Variants in FANCB observed in about 807,000 individuals in gnomAD.
FANCB encodes Fanconi anemia group B protein.
A neutral mutation model predicts 38.9 loss-of-function variants in FANCB; 5 were observed. The observed-to-expected ratio is 0.13, with a 90% CI of 0.07 to 0.27. The LOEUF (loss-of-function observed/expected upper bound fraction) is 0.27, where lower values mean the gene tolerates loss of function less well. Among genes scored for constraint, FANCB ranks in the 10% least tolerant of loss-of-function variants. The pLI is 1.00. For missense variants in FANCB, 573 were observed against 602.7 expected, an observed-to-expected ratio of 0.95 and a Z score of 0.52; for synonymous variants, 236 against 215.4, an observed-to-expected ratio of 1.10 and a Z score of -0.84.
chrX:14,834,154 T>C (rs2092334892), downstream of FANCB, among the ~76,000 whole-genome samples: 1 of 112,113 alleles, frequency 8.9e-6, no homozygotes, highest in Admixed American at 9.4e-5. Flanking sequence ...GGGTGATTTT[T>C]TTTTTAATTA....
At chrX:14,775,573 C>T in the FANCB span, among the ~76,000 whole-genome samples, 2 of 111,378 alleles carry the variant, frequency 1.8e-5, no homozygotes, top group Admixed American at 9.5e-5. Flanking sequence ...TGAGCTTATG[C>T]TGTGTCACCA....
At chrX:14,734,722 A>G in the FANCB span, among the ~76,000 whole-genome samples, 2 of 109,779 alleles carry the variant, frequency 1.8e-5, no homozygotes, top group Non-Finnish European at 3.8e-5. Flanking sequence ...CTTCTCGAGG[A>G]GTATCTTTGT....
At chrX:14,796,693 TACAC>T in the FANCB span, among the ~76,000 whole-genome samples, 889 of 92,104 alleles carry the variant, frequency 9.7e-3, 15 homozygotes, top group African/African-American at 0.032. Flanking sequence ...CGTCTATATA[TACAC>T]ACACACACAC....
At chrX:14,850,801 T>C in intron 6 of FANCB, 127 bp from the exon 7 acceptor site, 1 of 447,520 alleles carries the variant, frequency 2.2e-6, no homozygotes, top group Non-Finnish European at 3.9e-6. Flanking sequence ...ACAAATAACA[T>C]ATCATATTAT....
At chrX:14,753,159 G>A in the FANCB span, among the ~76,000 whole-genome samples, 1 of 110,484 alleles carries the variant, frequency 9.1e-6, no homozygotes, top group African/African-American at 3.3e-5. Flanking sequence ...AATTAATATC[G>A]CCACCATATT....
At chrX:14,729,083 T>G in the FANCB span, among the ~76,000 whole-genome samples, 1 of 112,626 alleles carries the variant, frequency 8.9e-6, no homozygotes, top group African/African-American at 3.2e-5. Flanking sequence ...ATTCATATTA[T>G]AAGTCCTTCA....
At chrX:14,843,137 C>T (rs1172083414), downstream of FANCB, among the ~76,000 whole-genome samples, 2 of 111,847 alleles carry the variant, frequency 1.8e-5, no homozygotes, top group Non-Finnish European at 3.8e-5. Flanking sequence ...TATGCCATTT[C>T]GGTCTTCACT....
At chrX:14,745,911 A>G in the FANCB span, among the ~76,000 whole-genome samples, 1 of 108,943 alleles carries the variant, frequency 9.2e-6, no homozygotes, top group East Asian at 2.9e-4. Context: ...CGTGTTAGCC[A>G]GGATGGTCTC....
chrX:14,786,553 T>C, the FANCB span, among the ~76,000 whole-genome samples: 1 of 111,191 alleles, frequency 9.0e-6, no homozygotes, highest in African/African-American at 3.3e-5. Context: ...TTTTTAACCC[T>C]CTATTTGTGC....
the FANCB span, among the ~76,000 whole-genome samples, chrX:14,772,765 G>A: frequency 9.0e-6 from 1 of 111,636 alleles, no homozygotes; most frequent in Non-Finnish European, 1.9e-5. Context: ...GCTCTGCCAC[G>A]ACTCCACATA....
chrX:14,790,973 A>G, the FANCB span, among the ~76,000 whole-genome samples: 1 of 111,014 alleles, frequency 9.0e-6, no homozygotes, highest in Non-Finnish European at 1.9e-5. Flanking sequence ...AGAGGCTAGT[A>G]CATTCTCCAC....
chrX:14,691,907 T>C, the FANCB span, among the ~76,000 whole-genome samples: 2 of 112,477 alleles, frequency 1.8e-5, no homozygotes, highest in African/African-American at 6.5e-5. Flanking sequence ...CCAGAAAATA[T>C]TTGATAAATT....
At chrX:14,742,556 G>A in the FANCB span, among the ~76,000 whole-genome samples, 6 of 111,360 alleles carry the variant, frequency 5.4e-5, no homozygotes, top group Non-Finnish European at 9.4e-5. Context: ...GCACTTAGTG[G>A]GTACTAAATA....
chrX:14,766,704 CCAGGGGTACATGTG>C, the FANCB span, among the ~76,000 whole-genome samples: 1 of 109,209 alleles, frequency 9.2e-6, no homozygotes, highest in Non-Finnish European at 1.9e-5. Context: ...ACTTATAAGT[CCAGGGGTACATGTG>C]CAGGATGTGC....
the FANCB span, among the ~76,000 whole-genome samples, chrX:14,729,806 CTGAA>C: frequency 5.6e-4 from 62 of 111,131 alleles, 1 homozygote; most frequent in Middle Eastern, 4.7e-3. Flanking sequence ...TAAATGTTTT[CTGAA>C]TGAATGAATG....
At chrX:14,833,957 T>G (rs2092334330), downstream of FANCB, among the ~76,000 whole-genome samples, 1 of 110,109 alleles carries the variant, frequency 9.1e-6, no homozygotes, top group Admixed American at 9.7e-5. Context: ...ATTGTGCCAG[T>G]GCACTCCAGC....
At chrX:14,812,536 C>A in the FANCB span, among the ~76,000 whole-genome samples, 2 of 111,916 alleles carry the variant, frequency 1.8e-5, no homozygotes, top group Admixed American at 1.9e-4. Context: ...ACTACAAACA[C>A]CTCTACACAA....
chrX:14,757,507 A>T, the FANCB span, among the ~76,000 whole-genome samples: 3 of 111,982 alleles, frequency 2.7e-5, no homozygotes, highest in Non-Finnish European at 5.6e-5. Context: ...ACAGCCAAAA[A>T]ACTGTGAGTG....
chrX:14,857,340 A>G (rs1404327101), intron 5 of FANCB, among the ~76,000 whole-genome samples: 2 of 112,611 alleles, frequency 1.8e-5, no homozygotes, highest in Admixed American at 1.9e-4. Flanking sequence ...TGGTTATTGC[A>G]AAATAGTGGA....
Sources: allele counts gnomAD v4.1 joint callset (sites outside exome capture counted in the v4.1 genomes callset), GRCh38; gene constraint gnomAD v4.1.1; transcripts MANE v1.5; gene names NCBI Gene and HGNC (gene_info 2026-07-23, HGNC 2026-07-21).